ERVH48-1: variants seen among roughly 807,000 people sequenced by gnomAD.
The protein encoded by ERVH48-1 is suppressyn.
A neutral mutation model predicts 2.4 loss-of-function variants in ERVH48-1; 4 were observed. The observed-to-expected ratio is 1.68, with a 90% CI of 0.83 to 3.84. ERVH48-1 has a LOEUF of 3.84. Ranked by LOEUF, ERVH48-1 falls within the 30% of genes most tolerant of loss-of-function variation. The pLI, the probability that ERVH48-1 is intolerant of heterozygous loss-of-function variation, is 0.01. For synonymous variants in ERVH48-1, 32 were observed against 15.5 expected, an observed-to-expected ratio of 2.06 and a Z score of -2.49; for missense variants, 97 against 43.4, an observed-to-expected ratio of 2.23 and a Z score of -3.47.
chr21:42,924,890 C>T (rs2058816344), intron 1 of ERVH48-1, among the ~76,000 whole-genome samples: 2 of 151,764 alleles, frequency 1.3e-5, no homozygotes, highest in South Asian at 4.1e-4. Context: ...ATGGGATCAA[C>T]TGGCTTAGAG....
Position 42,918,156 on chromosome 21 carries a change from A to T in ERVH48-1, c.*368T>A, listed in dbSNP as rs1268356491. On this transcript the variant is annotated 3_prime_UTR_variant, in exon 2 of 2. Transcript: ENST00000447535. The stretch of plus-strand genomic sequence containing the variant: ...CACAATTGAGGTAGCTTAAGTTAGA[A>T]GGAGACCAGGCTCCAGGGGGTAACC... 1 of 236,612 alleles carries T rather than the reference A, an allele frequency of 4.2e-6. No individual in the cohort carries two copies. Among genetic ancestry groups the T allele is most frequent in the Non-Finnish European group, 8.4e-6 (1 of 119,458 alleles). 14.7% of individuals were successfully genotyped at this position (236,612 alleles called of 1,614,324 possible). A position where few individuals can be genotyped will look rare whatever the true frequency, so the allele number is the denominator to read the frequency against.
intron 1 of ERVH48-1, among the ~76,000 whole-genome samples, chr21:42,920,452 G>T (rs1239028572): frequency 6.6e-6 from 1 of 152,190 alleles, no homozygotes; most frequent in African/African-American, 2.4e-5. Flanking sequence ...GCTTGCTGAT[G>T]AGAGCATTCA....
intron 1 of ERVH48-1, among the ~76,000 whole-genome samples, chr21:42,924,902 C>T (rs1162954071): frequency 6.6e-6 from 1 of 151,884 alleles, no homozygotes; most frequent in Non-Finnish European, 1.5e-5. Flanking sequence ...GGCTTAGAGT[C>T]CCCCTAAGAC....
chr21:42,921,175 C>T (rs12626338), intron 1 of ERVH48-1, among the ~76,000 whole-genome samples: 11,609 of 151,884 alleles, frequency 0.076, 516 homozygotes, highest in East Asian at 0.15. Flanking sequence ...GACTCCATGC[C>T]GTTCGTCAGG....
chr21:42,920,518 T>A (rs1444184725), intron 1 of ERVH48-1, among the ~76,000 whole-genome samples: 1 of 152,148 alleles, frequency 6.6e-6, no homozygotes, highest in African/African-American at 2.4e-5. Flanking sequence ...TGGACAAGTG[T>A]GAGTGCACTA....
At chr21:42,920,174 A>G (rs1358360754) in intron 1 of ERVH48-1, among the ~76,000 whole-genome samples, 2 of 151,710 alleles carry the variant, frequency 1.3e-5, no homozygotes, top group African/African-American at 4.9e-5. Flanking sequence ...GGATTGTTTG[A>G]GAGTGAGGAC....
intron 1 of ERVH48-1, among the ~76,000 whole-genome samples, chr21:42,921,047 C>T (rs1227397477): frequency 1.3e-5 from 2 of 152,176 alleles, no homozygotes; most frequent in African/African-American, 4.8e-5. Flanking sequence ...AGGACAGCAG[C>T]TGCCACCAGT....
At chr21:42,925,312 T>G in intron 1 of ERVH48-1, 34 bp downstream of exon 1, 1 of 383,382 alleles carries the variant, frequency 2.6e-6, no homozygotes, top group South Asian at 2.4e-5. Flanking sequence ...CCGTGCGGAT[T>G]TTTCCCTGTT....
intron 1 of ERVH48-1, among the ~76,000 whole-genome samples, chr21:42,924,849 G>A (rs1422766634): frequency 2.0e-5 from 3 of 151,990 alleles, no homozygotes; most frequent in African/African-American, 2.4e-5. Context: ...TAAAAGGAGC[G>A]TTTGTCACCG....
At chr21:42,920,899 A>C (rs898006564) in intron 1 of ERVH48-1, among the ~76,000 whole-genome samples, 2 of 152,188 alleles carry the variant, frequency 1.3e-5, no homozygotes, top group African/African-American at 4.8e-5. Flanking sequence ...GGTTTCTATG[A>C]ATAAAGCATA....
At chr21:42,922,237 A>T (rs1339609770) in intron 1 of ERVH48-1, among the ~76,000 whole-genome samples, 1 of 152,006 alleles carries the variant, frequency 6.6e-6, no homozygotes, top group Non-Finnish European at 1.5e-5. Context: ...AAGTATCTCA[A>T]AACAGCGGGG....
In ERVH48-1 at chr21:42,920,652, TGGGTGG is replaced by T. The variant is rs201477609; in HGVS notation, c.-285-1367_-285-1362del. Among the ~76,000 whole-genome samples, 37 of 152,192 alleles carry T rather than the reference TGGGTGG, an allele frequency of 2.4e-4. 1 individual carries two copies. In the East Asian group the frequency reaches 6.4e-3, roughly 26 times the overall value. On this transcript the variant is annotated intron_variant, in intron 1 of 1. Coordinates refer to ENST00000447535, the MANE Select transcript of ERVH48-1 (RefSeq NM_001308491.2). ...GGGGACCAGATTAGCTTCAATAGTG[TGGGTGG>T]GTGACACTATAGCATAGCCAGCATG... is the stretch of plus-strand genomic sequence containing the variant.
intron 1 of ERVH48-1, among the ~76,000 whole-genome samples, chr21:42,922,822 G>A (rs1418942564): frequency 6.6e-6 from 1 of 151,552 alleles, no homozygotes; most frequent in Non-Finnish European, 1.5e-5. Context: ...CTCGGGATTT[G>A]GAGACCATCA....
chr21:42,919,523 G>T (rs755282482), intron 1 of ERVH48-1, among the ~76,000 whole-genome samples: 5 of 152,164 alleles, frequency 3.3e-5, no homozygotes, highest in African/African-American at 7.2e-5. Context: ...GTCTCATGAG[G>T]GCGAAAGGGA....
rs558939723 is a variant in ERVH48-1, at chr21:42,922,124, A to G, written c.-285-2833T>C. On this transcript the variant is annotated intron_variant, in intron 1 of 1. Coordinates refer to ENST00000447535, the MANE Select transcript of ERVH48-1 (RefSeq NM_001308491.2). Reference sequence around the variant, plus strand: ...AGAAATGATAAGCTATAGGCCTACAAGAGCTGCTTAGGGGATTGGATACTG... The same window carrying G: ...AGAAATGATAAGCTATAGGCCTACAGGAGCTGCTTAGGGGATTGGATACTG... Among the ~76,000 whole-genome samples, 11 of 152,228 alleles carry G rather than the reference A, an allele frequency of 7.2e-5. No individual in the cohort carries two copies. In the East Asian group the frequency reaches 1.9e-3, roughly 27 times the overall value.
chr21:42,918,827 G>A lies in ERVH48-1; in HGVS notation c.180C>T (p.Tyr60=). ...SLHYRGEMQQ[Y]FTYHTHIERS... ...TTTCTATATGAGTATGGTAAGTAAA[G>A]TATTGTTGCATCTCCCCTCTGTAGT... is the stretch of plus-strand genomic sequence containing the variant. Residue 60 remains tyrosine, a synonymous_variant, in exon 2 of 2, where the codon TAC becomes TAT. Coordinates refer to ENST00000447535, the MANE Select transcript of ERVH48-1 (RefSeq NM_001308491.2). 2.2e-6 allele frequency: 1 copy of A among 456,772 alleles called. No homozygotes were observed. The highest frequency in any genetic ancestry group is 4.4e-6 in the Non-Finnish European group (1 of 227,036). 28.3% of individuals were successfully genotyped at this position (456,772 alleles called of 1,614,324 possible). A position where few individuals can be genotyped will look rare whatever the true frequency, so the allele number is the denominator to read the frequency against.
intron 1 of ERVH48-1, among the ~76,000 whole-genome samples, chr21:42,920,835 A>C (rs1466884844): frequency 6.6e-6 from 1 of 152,194 alleles, no homozygotes; most frequent in Non-Finnish European, 1.5e-5. Context: ...TAGTGGCTTC[A>C]GGTAAGAGTG....
Position 42,918,748 on chromosome 21 carries a change from A to G in ERVH48-1, c.259T>C (p.Tyr87His), listed in dbSNP as rs769278652. ...EECVESGKSY[Y>H]KVKNLGVCGS... Reference sequence around the variant, plus strand: ...CATACTCCTAGATTCTTTACTTTATAATAACTCTTTCCTGATTCAACACAT... The same window carrying G: ...CATACTCCTAGATTCTTTACTTTATGATAACTCTTTCCTGATTCAACACAT... Residue 87 changes from tyrosine to histidine, a missense_variant, in exon 2 of 2, where the codon TAT becomes CAT. By Grantham distance (83) the Tyr-to-His change is moderately conservative. Coordinates refer to ENST00000447535, the MANE Select transcript of ERVH48-1 (RefSeq NM_001308491.2). The G allele has an allele frequency of 2.2e-6, 1 of 456,704 alleles. No homozygotes were observed. Among genetic ancestry groups the G allele is most frequent in the South Asian group, 1.5e-5 (1 of 64,570 alleles). The allele number at this position is 456,704 out of a possible 1,614,324, so 28.3% of individuals were successfully genotyped here. A position where few individuals can be genotyped will look rare whatever the true frequency, so the allele number is the denominator to read the frequency against.
intron 1 of ERVH48-1, among the ~76,000 whole-genome samples, chr21:42,924,127 G>C (rs1356332186): frequency 6.6e-6 from 1 of 152,210 alleles, no homozygotes; most frequent in Non-Finnish European, 1.5e-5. Context: ...TTTGAAGGGG[G>C]AAGGAGGGTT....
Sources: gnomAD v4.1 joint callset for allele counts (sites outside exome capture counted in the v4.1 genomes callset) on GRCh38, gnomAD v4.1.1 for gene constraint, MANE v1.5 for transcripts, NCBI Gene and HGNC (gene_info 2026-07-23, HGNC 2026-07-21) for gene names.